The following GPC6 variants were observed in gnomAD, a reference collection of about 807,000 sequenced individuals.
GPC6 encodes glypican-6.
GPC6 carries 14 observed loss-of-function variants against 55.2 expected under a neutral mutation model. The observed-to-expected ratio is 0.25, with a 90% CI of 0.17 to 0.40. The LOEUF is 0.40. GPC6 is among the 10% of genes least tolerant of loss of function. The probability of loss-of-function intolerance (pLI) is 1.00; values close to 1 mark genes in which losing one functional copy is unlikely to be tolerated. For synonymous variants in GPC6, 278 were observed against 259.6 expected (o/e 1.07, Z -0.68); for missense variants, 641 against 708.5 (o/e 0.90, Z 1.08).
chr13:93,274,574 G>C (rs575018037), intron 1 of GPC6, among the ~76,000 whole-genome samples: 48 of 152,170 alleles, frequency 3.2e-4, no homozygotes, highest in African/African-American at 1.1e-3. Flanking sequence ...ATTTTGTCAG[G>C]TATCTTAAAT....
At chr13:93,565,621 T>C (rs1176964039) in intron 2 of GPC6, among the ~76,000 whole-genome samples, 1 of 152,022 alleles carries the variant, frequency 6.6e-6, no homozygotes, top group Non-Finnish European at 1.5e-5. Flanking sequence ...AAATATAGAC[T>C]CCTTAAAAAC....
intron 2 of GPC6, among the ~76,000 whole-genome samples, chr13:93,766,690 T>A (rs1017307405): frequency 6.6e-6 from 1 of 152,176 alleles, no homozygotes; most frequent in African/African-American, 2.4e-5. Context: ...TCATTATTTA[T>A]CATTAAATAT....
chr13:94,187,673 AC>A (rs1468019900), intron 4 of GPC6, among the ~76,000 whole-genome samples: 2 of 152,212 alleles, frequency 1.3e-5, no homozygotes, highest in Non-Finnish European at 2.9e-5. Context: ...TGGAGTTACA[AC>A]AGTGAACAAA....
intron 4 of GPC6, among the ~76,000 whole-genome samples, chr13:94,177,729 G>A (rs1405847040): frequency 2.6e-5 from 4 of 152,066 alleles, no homozygotes; most frequent in Admixed American, 2.0e-4. Flanking sequence ...TTTTAACATA[G>A]CATTTTTAGT....
At chr13:93,469,437 C>G (rs558131487) in intron 1 of GPC6, among the ~76,000 whole-genome samples, 33 of 152,050 alleles carry the variant, frequency 2.2e-4, no homozygotes, top group Middle Eastern at 3.4e-3. Context: ...AATCTGTTAC[C>G]CCATCCTTTG....
intron 6 of GPC6, among the ~76,000 whole-genome samples, chr13:94,328,012 T>C (rs531233693): frequency 1.3e-5 from 2 of 152,308 alleles, no homozygotes; most frequent in South Asian, 2.1e-4. Context: ...AAGGGTGATC[T>C]TTCCTGCTTC....
chr13:94,266,248 A>C (rs1891806310), intron 4 of GPC6, among the ~76,000 whole-genome samples: 1 of 151,270 alleles, frequency 6.6e-6, no homozygotes, highest in African/African-American at 2.4e-5. Context: ...GGCTCACTGC[A>C]AGCTCCGCCT....
At chr13:94,237,722 A>T (rs72645994) in intron 4 of GPC6, among the ~76,000 whole-genome samples, 27,527 of 152,050 alleles carry the variant, frequency 0.18, 2,818 homozygotes, top group East Asian at 0.37. Flanking sequence ...GATTGTGAAT[A>T]AAAAAACGTA....
In GPC6 at chr13:93,591,212, C is replaced by T. The variant is rs1202640274; in HGVS notation, c.319+45791C>T. On this transcript the variant is annotated intron_variant, in intron 2 of 8. Coordinates refer to ENST00000377047, the MANE Select transcript of GPC6 (RefSeq NM_005708.5). The stretch of plus-strand genomic sequence containing the variant: ...GGTGCGGTGGCTCATGTCTGTAATC[C>T]CAGCACTTCGGGAGGCCGAGGTGGG... Among the ~76,000 whole-genome samples the T allele has an allele frequency of 2.7e-5, 4 of 150,554 alleles. No homozygotes were observed. The East Asian group carries it at 5.9e-4, about 22-fold the overall frequency.
chr13:94,376,465 T>C (rs1879860713), intron 6 of GPC6, among the ~76,000 whole-genome samples: 1 of 151,930 alleles, frequency 6.6e-6, no homozygotes, highest in Non-Finnish European at 1.5e-5. Context: ...TCAAAGAGAA[T>C]TAAATACCTA....
At chr13:94,300,297 A>G (rs1158230318) in intron 5 of GPC6, among the ~76,000 whole-genome samples, 3 of 152,238 alleles carry the variant, frequency 2.0e-5, no homozygotes, top group Non-Finnish European at 4.4e-5. Context: ...AAAGGTATAA[A>G]GCTACATGTG....
At chr13:94,146,557 G>A (rs1486475160) in intron 4 of GPC6, among the ~76,000 whole-genome samples, 1 of 152,062 alleles carries the variant, frequency 6.6e-6, no homozygotes, top group African/African-American at 2.4e-5. Flanking sequence ...CCAGATAGCA[G>A]TGTTTTTCAA....
At chr13:93,900,587 C>G (rs899020418) in intron 3 of GPC6, among the ~76,000 whole-genome samples, 1 of 152,138 alleles carries the variant, frequency 6.6e-6, no homozygotes, top group Non-Finnish European at 1.5e-5. Flanking sequence ...TCTTCCCTAA[C>G]CTTTATGTTT....
chr13:93,263,329 G>T (rs762271503), intron 1 of GPC6, among the ~76,000 whole-genome samples: 27 of 151,714 alleles, frequency 1.8e-4, no homozygotes, highest in East Asian at 5.8e-4. Flanking sequence ...GGAGTTTTTT[G>T]TTGTTGTTGT....
chr13:94,334,144 G>T (rs1163998138), intron 6 of GPC6, among the ~76,000 whole-genome samples: 1 of 151,876 alleles, frequency 6.6e-6, no homozygotes, highest in Admixed American at 6.6e-5. Flanking sequence ...AGAGCCAGAG[G>T]GTGAATATGT....
intron 2 of GPC6, among the ~76,000 whole-genome samples, chr13:93,576,776 A>T (rs949251957): frequency 6.6e-6 from 1 of 152,194 alleles, no homozygotes. Context: ...ATATAATTTC[A>T]TATAATTTCC....
At chr13:93,280,547 G>A (rs1877915745) in intron 1 of GPC6, among the ~76,000 whole-genome samples, 1 of 152,228 alleles carries the variant, frequency 6.6e-6, no homozygotes, top group Non-Finnish European at 1.5e-5. Flanking sequence ...TGTGAAAATA[G>A]TAGATATAAA....
chr13:93,561,296 C>T (rs528219646), intron 2 of GPC6, among the ~76,000 whole-genome samples: 1 of 150,974 alleles, frequency 6.6e-6, no homozygotes, highest in African/African-American at 2.4e-5. Flanking sequence ...GGGAAAATAT[C>T]AGATATTTTA....
chr13:93,491,665 A>C (rs1880010900), intron 1 of GPC6, among the ~76,000 whole-genome samples: 1 of 143,688 alleles, frequency 7.0e-6, no homozygotes, highest in Admixed American at 7.0e-5. Flanking sequence ...TCTAATGTTT[A>C]AGTCTTTAAT....
Sources: allele counts gnomAD v4.1 joint callset (sites outside exome capture counted in the v4.1 genomes callset), GRCh38; gene constraint gnomAD v4.1.1; transcripts MANE v1.5; gene names NCBI Gene and HGNC (gene_info 2026-07-23, HGNC 2026-07-21).